Variants in PBX1 observed in about 807,000 individuals in gnomAD.
PBX1 encodes pre-B-cell leukemia transcription factor 1.
Under a neutral mutation model 53.4 loss-of-function variants are expected in PBX1, and 6 were observed. That is an observed-to-expected ratio of 0.11 (90% CI 0.06 to 0.22). PBX1 has a LOEUF of 0.22. Among genes scored for constraint, PBX1 ranks in the 10% least tolerant of loss-of-function variants. The pLI is 1.00. For missense variants in PBX1, 251 were observed against 551.4 expected (o/e 0.46, Z 5.46); for synonymous variants, 204 against 212.3 (o/e 0.96, Z 0.34).
chr1:164,809,214 A>G (rs1362828529), intron 5 of PBX1, among the ~76,000 whole-genome samples: 1 of 152,194 alleles, frequency 6.6e-6, no homozygotes, highest in Non-Finnish European at 1.5e-5. Flanking sequence ...TGAAGGTAAA[A>G]GGAATTCTCC....
At chr1:164,843,875 A>G (rs1386770751) in intron 8 of PBX1, among the ~76,000 whole-genome samples, 1 of 152,084 alleles carries the variant, frequency 6.6e-6, no homozygotes, top group Non-Finnish European at 1.5e-5. Flanking sequence ...TCTTAATGAA[A>G]CACCACAGAA....
At chr1:164,655,561 C>A (rs559915077) in intron 2 of PBX1, among the ~76,000 whole-genome samples, 2 of 152,220 alleles carry the variant, frequency 1.3e-5, no homozygotes, top group South Asian at 2.1e-4. Context: ...AGGATGACCA[C>A]CATTTCTTGT....
chr1:164,877,170 G>A (rs1246033961), intron 2 of PBX1, among the ~76,000 whole-genome samples: 1 of 151,246 alleles, frequency 6.6e-6, no homozygotes, highest in Non-Finnish European at 1.5e-5. Context: ...TCACACAACT[G>A]GTTCAAGGGG....
chr1:164,595,206 A>G (rs1017255661), intron 2 of PBX1, among the ~76,000 whole-genome samples: 4 of 152,206 alleles, frequency 2.6e-5, no homozygotes, highest in African/African-American at 9.6e-5. Flanking sequence ...CTGCTTTGCA[A>G]AGTTCCCTTC....
chr1:164,806,167 A>G (rs1468463630), intron 4 of PBX1, among the ~76,000 whole-genome samples: 2 of 152,240 alleles, frequency 1.3e-5, no homozygotes, highest in African/African-American at 4.8e-5. Flanking sequence ...AAGGAGGGCC[A>G]ACCAGCCCCT....
intron 2 of PBX1, among the ~76,000 whole-genome samples, chr1:164,663,192 T>C (rs1660595756): frequency 6.7e-6 from 1 of 149,704 alleles, no homozygotes; most frequent in African/African-American, 2.5e-5. Flanking sequence ...CTTCCTGTCT[T>C]CCTTCCTGCC....
At chr1:164,640,603 C>T (rs1238160553) in intron 2 of PBX1, among the ~76,000 whole-genome samples, 2 of 137,338 alleles carry the variant, frequency 1.5e-5, no homozygotes, top group African/African-American at 5.4e-5. Context: ...GTTGCCCAGG[C>T]TGGAGTGCAG....
At chr1:164,840,760 A>G (rs1288123498) in intron 8 of PBX1, among the ~76,000 whole-genome samples, 2 of 152,206 alleles carry the variant, frequency 1.3e-5, no homozygotes, top group Non-Finnish European at 2.9e-5. Flanking sequence ...CAGTTTAGTA[A>G]GAGAAACGTT....
chr1:164,607,693 T>A (rs1163778285), intron 2 of PBX1, among the ~76,000 whole-genome samples: 1 of 152,162 alleles, frequency 6.6e-6, no homozygotes, highest in Non-Finnish European at 1.5e-5. Context: ...CAAGAGAGCC[T>A]ACACAGTATA....
At chr1:164,844,095 TTTTC>T (rs201446962) in intron 8 of PBX1, among the ~76,000 whole-genome samples, 2,623 of 143,638 alleles carry the variant, frequency 0.018, 90 homozygotes, top group African/African-American at 0.059. Context: ...TACATGCCTT[TTTTC>T]TTTCTTTCTT....
intron 2 of PBX1, among the ~76,000 whole-genome samples, chr1:164,780,541 A>G (rs1667881527): frequency 6.6e-6 from 1 of 152,118 alleles, no homozygotes; most frequent in Non-Finnish European, 1.5e-5. Context: ...CTCTGTTGAG[A>G]AGAGAGGAAG....
intron 2 of PBX1, among the ~76,000 whole-genome samples, chr1:164,671,435 T>C (rs1216671449): frequency 6.6e-6 from 1 of 152,178 alleles, no homozygotes; most frequent in Non-Finnish European, 1.5e-5. Context: ...GGGCAAACTT[T>C]GTGTGTGAGT....
At chr1:164,706,412 TATCCATTGTA>T (rs1663428639) in intron 2 of PBX1, among the ~76,000 whole-genome samples, 1 of 152,212 alleles carries the variant, frequency 6.6e-6, no homozygotes, top group African/African-American at 2.4e-5. Context: ...CTGGCTAGGA[TATCCATTGTA>T]ATCCTCCTAG....
intron 2 of PBX1, among the ~76,000 whole-genome samples, chr1:164,604,853 C>T (rs1656444165): frequency 6.6e-6 from 1 of 151,614 alleles, no homozygotes; most frequent in South Asian, 2.1e-4. Context: ...TGCTTTTAGA[C>T]AAAGTGTATT....
At chr1:164,741,441 A>G (rs1003176414) in intron 2 of PBX1, among the ~76,000 whole-genome samples, 2 of 152,234 alleles carry the variant, frequency 1.3e-5, no homozygotes, top group African/African-American at 4.8e-5. Context: ...AGTCAAATGT[A>G]TTTCAGATCC....
At chr1:164,880,296 A>G (rs914300563) in intron 2 of PBX1, among the ~76,000 whole-genome samples, 3 of 152,190 alleles carry the variant, frequency 2.0e-5, no homozygotes, top group African/African-American at 7.2e-5. Flanking sequence ...AACAGAAAAT[A>G]TGCTCATGAT....
chr1:164,732,611 T>C (rs1177572751), intron 2 of PBX1, among the ~76,000 whole-genome samples: 2 of 152,092 alleles, frequency 1.3e-5, no homozygotes, highest in Non-Finnish European at 2.9e-5. Flanking sequence ...GCAAAGACCG[T>C]AATTACTTTC....
intron 8 of PBX1, among the ~76,000 whole-genome samples, chr1:164,843,273 C>G (rs12022385): frequency 0.3 from 44,940 of 152,094 alleles, 7,143 homozygotes; most frequent in African/African-American, 0.4. Context: ...CTTCCACATT[C>G]CCCAGCATGA....
chr1:164,773,385 T>C (rs1216958071), intron 2 of PBX1, among the ~76,000 whole-genome samples: 1 of 152,150 alleles, frequency 6.6e-6, no homozygotes, highest in Non-Finnish European at 1.5e-5. Flanking sequence ...CAAACACTGC[T>C]GACACACGGT....
Sources: gnomAD v4.1 joint callset for allele counts (sites outside exome capture counted in the v4.1 genomes callset) on GRCh38, gnomAD v4.1.1 for gene constraint, MANE v1.5 for transcripts, NCBI Gene and HGNC (gene_info 2026-07-23, HGNC 2026-07-21) for gene names.